RICTOR: variants seen among roughly 807,000 people sequenced by gnomAD.
RICTOR encodes the protein RPTOR independent companion of MTOR complex 2.
In RICTOR, 49 loss-of-function variants were observed where a neutral mutation model predicts 214.9. The ratio of observed to expected loss-of-function variants is 0.23; its 90% CI spans 0.18 to 0.29. The LOEUF (loss-of-function observed/expected upper bound fraction) is 0.29. Among genes scored for constraint, RICTOR ranks in the 10% least tolerant of loss-of-function variants. The pLI, the probability that RICTOR is intolerant of heterozygous loss-of-function variation, is 1.00. For missense variants in RICTOR, 1,625 were observed against 2,047.0 expected, an observed-to-expected ratio of 0.79 and a Z score of 3.98; for synonymous variants, 717 against 711.3, an observed-to-expected ratio of 1.01 and a Z score of -0.13.
chr5:39,038,065 T>G (rs370524550), intron 2 of RICTOR, among the ~76,000 whole-genome samples: 1 of 152,080 alleles, frequency 6.6e-6, no homozygotes, highest in Non-Finnish European at 1.5e-5. Context: ...ATGCAAAAAT[T>G]CTCAATAAAA....
intron 2 of RICTOR, among the ~76,000 whole-genome samples, chr5:39,026,503 A>G (rs1755832986): frequency 6.6e-6 from 1 of 152,182 alleles, no homozygotes; most frequent in Non-Finnish European, 1.5e-5. Flanking sequence ...TACTACACGT[A>G]TTCCTGATGA....
At position 38,994,697 on chromosome 5, in the gene RICTOR, A is replaced by G. The variant is rs572790403; in HGVS notation, c.456+2122T>C. Among the ~76,000 whole-genome samples, 22 of 149,460 alleles carry G rather than the reference A, an allele frequency of 1.5e-4. No individual in the cohort carries two copies. In the South Asian group the frequency reaches 4.3e-3, roughly 29 times the overall value. On this transcript the variant is annotated intron_variant, in intron 6 of 37. Coordinates refer to ENST00000357387, the MANE Select transcript of RICTOR (RefSeq NM_152756.5). ...TCTCAGAAGACAATCAAATGAAATG[A>G]TATTTTTGTTATGCTATTATTTTTG...
Position 38,962,480 on chromosome 5 carries a change from C to A in RICTOR, c.1668+5G>T. 2 of 1,441,160 alleles carry A rather than the reference C, an allele frequency of 1.4e-6. No individual in the cohort carries two copies. The highest frequency in any genetic ancestry group is 1.8e-4 in the Middle Eastern group (1 of 5,596). The allele number at this position is 1,441,160 out of a possible 1,614,324, so 89.3% of individuals were successfully genotyped here. A position where few individuals can be genotyped will look rare whatever the true frequency, so the allele number is the denominator to read the frequency against. Reference sequence around the variant, plus strand: ...AAGCCATTACCATGAAGTATCTTTTCATACCTTAAGAATGGTCCCTATAAG... The same window carrying A: ...AAGCCATTACCATGAAGTATCTTTTAATACCTTAAGAATGGTCCCTATAAG... On this transcript the variant is annotated splice_donor_5th_base_variant and intron_variant, in intron 18 of 37. Coordinates refer to ENST00000357387, the MANE Select transcript of RICTOR (RefSeq NM_152756.5).
chr5:38,996,855 C>G lies in RICTOR; in HGVS notation c.420G>C (p.Glu140Asp). Residue 140 changes from glutamate to aspartate, a missense_variant, in exon 6 of 38, where the codon GAG becomes GAC. This residue lies in a region of RICTOR where 258 missense variants were observed against 393.7 expected (regional missense o/e 0.66). Transcript: ENST00000357387. ...ATCGAAGTGCTTGTGTCCTCTCTAC[C>G]TCGTTGCTCTGTTGTATGTCAATGC... ...ARCIDIQQSN[E>D]VERTQALRLV... 1 of 1,611,442 alleles carries G rather than the reference C, an allele frequency of 6.2e-7. No homozygotes were observed. Among genetic ancestry groups the G allele is most frequent in the East Asian group, 2.2e-5 (1 of 44,696 alleles).
rs1007387641 is a variant in RICTOR at position 38,958,353 on chromosome 5, T to A, written c.2420+90A>T. On this transcript the variant is annotated intron_variant, in intron 24 of 37. Transcript: ENST00000357387. ...ATATTAAAAGGTAAACTCTTCAGCG[T>A]ACTTCCCATTTGGATTTGAATCTAT... The A allele has an allele frequency of 8.6e-6, 7 of 814,282 alleles. No individual in the cohort carries two copies. In the African/African-American group the frequency reaches 1.2e-4, roughly 14 times the overall value. 50.4% of individuals were successfully genotyped at this position (814,282 alleles called of 1,614,324 possible). A position where few individuals can be genotyped will look rare whatever the true frequency, so the allele number is the denominator to read the frequency against.
chr5:39,016,962 A>C (rs1176042409), intron 3 of RICTOR, among the ~76,000 whole-genome samples: 2 of 152,224 alleles, frequency 1.3e-5, no homozygotes. Flanking sequence ...TGGCTTAATA[A>C]AAATATTAAA....
chr5:39,012,861 C>T (rs777939103), intron 3 of RICTOR, among the ~76,000 whole-genome samples: 18 of 152,082 alleles, frequency 1.2e-4, no homozygotes, highest in Non-Finnish European at 1.6e-4. Flanking sequence ...TCAGTCACAA[C>T]GCCTAGCTAA....
At chr5:39,049,030 G>A (rs1757676790) in intron 2 of RICTOR, among the ~76,000 whole-genome samples, 1 of 152,116 alleles carries the variant, frequency 6.6e-6, no homozygotes, top group Non-Finnish European at 1.5e-5. Context: ...GCCACCACAT[G>A]TGACTTTGGA....
At chr5:39,036,581 G>A (rs1365399920) in intron 2 of RICTOR, among the ~76,000 whole-genome samples, 3 of 152,132 alleles carry the variant, frequency 2.0e-5, no homozygotes, top group African/African-American at 7.2e-5. Flanking sequence ...CATCTCACGT[G>A]CAGAGACACA....
intron 28 of RICTOR, 67 bp downstream of exon 28, chr5:38,953,394 T>A: frequency 1.5e-6 from 1 of 661,288 alleles, no homozygotes. Flanking sequence ...ATCTATTTAG[T>A]ATAAATGAAA....
At chr5:39,019,184 T>G (rs1023412259) in intron 3 of RICTOR, among the ~76,000 whole-genome samples, 4 of 152,112 alleles carry the variant, frequency 2.6e-5, no homozygotes, top group African/African-American at 9.7e-5. Context: ...TAACATAAAA[T>G]GGCAAGGTAA....
At chr5:39,036,578 C>T (rs537967197) in intron 2 of RICTOR, among the ~76,000 whole-genome samples, 76 of 152,140 alleles carry the variant, frequency 5.0e-4, no homozygotes, top group African/African-American at 1.6e-3. Flanking sequence ...ACCCATCTCA[C>T]GTGCAGAGAC....
At chr5:39,016,528 G>A (rs1181701533) in intron 3 of RICTOR, among the ~76,000 whole-genome samples, 1 of 151,842 alleles carries the variant, frequency 6.6e-6, no homozygotes, top group Non-Finnish European at 1.5e-5. Context: ...AATACTGTGG[G>A]GGAAATTTAG....
chr5:38,972,792 A>T (rs1299620269), intron 10 of RICTOR, among the ~76,000 whole-genome samples: 1 of 152,016 alleles, frequency 6.6e-6, no homozygotes, highest in African/African-American at 2.4e-5. Flanking sequence ...GTCCACAAAA[A>T]AAGTTTGTAT....
intron 2 of RICTOR, among the ~76,000 whole-genome samples, chr5:39,047,718 C>T (rs1757589319): frequency 6.6e-6 from 1 of 152,154 alleles, no homozygotes. Context: ...GAGTTTAGGT[C>T]ACGTCAGTTT....
At chr5:38,944,599 T>G (rs950264079) in intron 35 of RICTOR, 30 bp from the exon 36 acceptor site, 18 of 1,541,282 alleles carry the variant, frequency 1.2e-5, no homozygotes, top group Non-Finnish European at 1.6e-5. Context: ...AAGTTAAATA[T>G]TATCTATGTC....
chr5:38,950,443 C>G lies in RICTOR; in HGVS notation c.3405G>C (p.Thr1135=). ...TATGATTAAAATCAACACTGGGCTC[C>G]GTAAGTGTTCTGATTCGCCTGTTGC... ...KTSNRRIRTL[T]EPSVDFNHSD... is the part of the protein sequence containing the mutation. Residue 1135 remains threonine, a synonymous_variant, in exon 31 of 38, where the codon ACG becomes ACC. Coordinates refer to ENST00000357387, the MANE Select transcript of RICTOR (RefSeq NM_152756.5). 1 of 1,613,474 alleles carries G rather than the reference C, an allele frequency of 6.2e-7. No homozygotes were observed. Among genetic ancestry groups the G allele is most frequent in the Non-Finnish European group, 8.5e-7 (1 of 1,179,610 alleles).
intron 2 of RICTOR, among the ~76,000 whole-genome samples, chr5:39,034,882 T>A: frequency 6.6e-6 from 1 of 152,212 alleles, no homozygotes; most frequent in Non-Finnish European, 1.5e-5. Flanking sequence ...AGGCTCCACC[T>A]CTGGGGGCAG....
chr5:38,969,112 A>G (rs1352802735), intron 11 of RICTOR, among the ~76,000 whole-genome samples: 1 of 151,488 alleles, frequency 6.6e-6, no homozygotes, highest in Non-Finnish European at 1.5e-5. Flanking sequence ...CTGGGATTAT[A>G]GGCACCTGCC....
Sources: gnomAD v4.1 joint callset for allele counts (sites outside exome capture counted in the v4.1 genomes callset) on GRCh38, gnomAD v4.1.1 for gene constraint, gnomAD v4.1.1 regional missense constraint, MANE v1.5 for transcripts, NCBI Gene and HGNC (gene_info 2026-07-23, HGNC 2026-07-21) for gene names.